The following PTPRU variants were observed in gnomAD, a reference collection of about 807,000 sequenced individuals.
PTPRU encodes the protein receptor-type tyrosine-protein phosphatase U.
In PTPRU, 69 loss-of-function variants were observed where a neutral mutation model predicts 166.3. The ratio of observed to expected loss-of-function variants is 0.41; its 90% CI spans 0.34 to 0.51. PTPRU has a LOEUF of 0.51. Among genes scored for constraint, PTPRU ranks in the 20% least tolerant of loss-of-function variants. The pLI is 0.09. For synonymous variants in PTPRU, 793 were observed against 814.0 expected (o/e 0.97, Z 0.44); for missense variants, 1,657 against 2,013.7 (o/e 0.82, Z 3.39).
Position 29,284,825 on chromosome 1 carries a change from C to CCTCA in PTPRU, c.2275_2278dup (p.Ile760ThrfsTer77). On this transcript the variant is annotated frameshift_variant, in exon 14 of 30. Coordinates refer to ENST00000373779, the MANE Select transcript of PTPRU (RefSeq NM_133178.4). LOFTEE classifies it high-confidence loss of function. Reference sequence around the variant, plus strand: ...GCATCTGTGCAGGGGGGCTTGCTGTCCTCATCCTTCTCCTGGGTGCCATCA... The same window carrying CCTCA: ...GCATCTGTGCAGGGGGGCTTGCTGTCCTCACTCATCCTTCTCCTGGGTGCCATCA... The CCTCA allele has an allele frequency of 6.2e-7, 1 of 1,613,520 alleles. No individual in the cohort carries two copies. The highest frequency in any genetic ancestry group is 1.1e-5 in the South Asian group (1 of 91,050).
intron 14 of PTPRU, among the ~76,000 whole-genome samples, chr1:29,290,674 C>T (rs182355100): frequency 2.0e-5 from 3 of 152,382 alleles, no homozygotes; most frequent in East Asian, 1.9e-4. Context: ...GCGACTCGCG[C>T]TGAGCCCCCA....
chr1:29,277,689 C>G (rs1685865378), intron 8 of PTPRU, among the ~76,000 whole-genome samples: 1 of 151,852 alleles, frequency 6.6e-6, no homozygotes, highest in South Asian at 2.1e-4. Context: ...CCATGACAAC[C>G]CTATGTGGTA....
chr1:29,290,473 C>T (rs928394311), intron 14 of PTPRU, among the ~76,000 whole-genome samples: 2 of 152,220 alleles, frequency 1.3e-5, no homozygotes, highest in Admixed American at 6.5e-5. Flanking sequence ...TGTCTTCTCT[C>T]TCTGTCTTCT....
At chr1:29,242,274 G>A (rs1377440398) in intron 1 of PTPRU, among the ~76,000 whole-genome samples, 1 of 152,194 alleles carries the variant, frequency 6.6e-6, no homozygotes. Context: ...GTGTCCACAA[G>A]GGGTGTGGAC....
intron 1 of PTPRU, among the ~76,000 whole-genome samples, chr1:29,254,131 T>G (rs560007138): frequency 6.6e-6 from 1 of 152,184 alleles, no homozygotes; most frequent in Admixed American, 6.5e-5. Flanking sequence ...GGCTGGCAGG[T>G]ACCCAGGACA....
rs1166127991 is a variant in PTPRU at position 29,241,740 on chromosome 1, G to A, written c.73+5023G>A. The stretch of plus-strand genomic sequence containing the variant: ...CTCCTAAGTAGCTGGGATTACAGGC[G>A]CACGCCACCATGCCTGGCTAATTTT... On this transcript the variant is annotated intron_variant, in intron 1 of 29. Coordinates refer to ENST00000373779, the MANE Select transcript of PTPRU (RefSeq NM_133178.4). Among the ~76,000 whole-genome samples the A allele has an allele frequency of 4.0e-4, 57 of 140,868 alleles. 1 individual carries two copies. Among genetic ancestry groups the A allele is most frequent in the South Asian group, 6.9e-4 (3 of 4,320 alleles). The allele number at this position is 140,868 out of a possible 152,430, so 92.4% of individuals were successfully genotyped here. A position where few individuals can be genotyped will look rare whatever the true frequency, so the allele number is the denominator to read the frequency against.
intron 27 of PTPRU, 58 bp downstream of exon 27, chr1:29,323,554 A>T: frequency 6.2e-7 from 1 of 1,610,974 alleles, no homozygotes; most frequent in Non-Finnish European, 8.5e-7. Flanking sequence ...GGCAGCTTTT[A>T]ATGACCCTCT....
intron 1 of PTPRU, among the ~76,000 whole-genome samples, chr1:29,240,394 G>A (rs539317723): frequency 1.3e-5 from 2 of 152,268 alleles, no homozygotes; most frequent in East Asian, 3.9e-4. Context: ...CACCGGGTCT[G>A]AATAAATATA....
At chr1:29,318,017 G>A in intron 25 of PTPRU, 96 bp downstream of exon 25, 1 of 1,463,132 alleles carries the variant, frequency 6.8e-7, no homozygotes. Context: ...AGGCTCTGTT[G>A]GGGGGACCCC....
rs1335796883 is a variant in PTPRU at position 29,326,386 on chromosome 1, A to C, written c.*725A>C. ...CTGCCTGACCCACTGTTGCAGAATGAAGTCACCTCGCCCCCCTCTTCCTTT... is the reference window on the plus strand; with the variant it reads ...CTGCCTGACCCACTGTTGCAGAATGCAGTCACCTCGCCCCCCTCTTCCTTT... On this transcript the variant is annotated 3_prime_UTR_variant, in exon 30 of 30. Transcript: ENST00000373779. 1 of 153,526 alleles carries C rather than the reference A, an allele frequency of 6.5e-6. No homozygotes were observed. The highest frequency in any genetic ancestry group is 2.4e-5 in the African/African-American group (1 of 41,466). 9.5% of individuals were successfully genotyped at this position (153,526 alleles called of 1,614,324 possible).
chr1:29,306,097 A>T (rs1416858904), intron 18 of PTPRU, among the ~76,000 whole-genome samples: 2 of 152,202 alleles, frequency 1.3e-5, no homozygotes, highest in African/African-American at 4.8e-5. Context: ...CGCAAATCTC[A>T]GCCTGTCTGT....
chr1:29,255,678 C>G (rs187912832), intron 2 of PTPRU, among the ~76,000 whole-genome samples: 2 of 152,294 alleles, frequency 1.3e-5, no homozygotes, highest in East Asian at 1.9e-4. Context: ...AGCTCAGGAT[C>G]CAAACCACTC....
intron 15 of PTPRU, among the ~76,000 whole-genome samples, chr1:29,293,471 G>T (rs1212598387): frequency 1.5e-5 from 2 of 135,364 alleles, no homozygotes; most frequent in African/African-American, 3.1e-5. Flanking sequence ...TTCGGGGGTA[G>T]TTTTTTGTTT....
Position 29,282,897 on chromosome 1 carries a change from A to G in PTPRU, c.2090A>G (p.Glu697Gly), listed in dbSNP as rs1305171137. 6.2e-7 allele frequency: 1 copy of G among 1,613,972 alleles called. No homozygotes were observed. The highest frequency in any genetic ancestry group is 1.1e-5 in the South Asian group (1 of 91,080). Residue 697 changes from glutamate to glycine, a missense_variant, in exon 12 of 30, where the codon GAG becomes GGG. Transcript: ENST00000373779. ...CGAGGCTTCTGGAACCCACCACTTG[A>G]GCCTAGGAAGGCCTATCTCATCTAC... ...TYRGFWNPPL[E>G]PRKAYLIYFQ...
rs1300519023 is a variant in PTPRU at position 29,271,739 on chromosome 1, T to A, written c.1145-3709T>A. Among the ~76,000 whole-genome samples, 4 of 152,212 alleles carry A rather than the reference T, an allele frequency of 2.6e-5. No individual in the cohort carries two copies. Among genetic ancestry groups the A allele is most frequent in the Non-Finnish European group, 4.4e-5 (3 of 68,028 alleles). ...CTGCCCCTTTTGGATGGGACACTAC[T>A]GTCCTGTTTGCCGTGGTCTTTACCC... On this transcript the variant is annotated intron_variant, in intron 7 of 29. Transcript: ENST00000373779. The surrounding 1 kb of genome is among the most constrained non-coding windows in gnomAD (Gnocchi z 4.4).
intron 1 of PTPRU, among the ~76,000 whole-genome samples, chr1:29,244,746 A>C (rs137990861): frequency 1.1e-4 from 16 of 152,266 alleles, no homozygotes; most frequent in Admixed American, 9.2e-4. Context: ...AATGGGGATA[A>C]TAATAGGACA....
At chr1:29,244,194 G>T (rs1461988573) in intron 1 of PTPRU, among the ~76,000 whole-genome samples, 3 of 152,038 alleles carry the variant, frequency 2.0e-5, no homozygotes. Flanking sequence ...TCAGCCCCCG[G>T]GGGCTCCCAG....
At chr1:29,286,154 G>A (rs568360173) in intron 14 of PTPRU, among the ~76,000 whole-genome samples, 1 of 152,330 alleles carries the variant, frequency 6.6e-6, no homozygotes, top group Admixed American at 6.5e-5. Context: ...TAGGGGTGGA[G>A]TGTGCAGCGG....
At chr1:29,325,009 C>T (rs1688341386) in intron 28 of PTPRU, among the ~76,000 whole-genome samples, 182 bp from the exon 29 acceptor site, 1 of 150,876 alleles carries the variant, frequency 6.6e-6, no homozygotes, top group African/African-American at 2.4e-5. Flanking sequence ...GGCTCTCGGG[C>T]CCCTCCTTTC....
Sources: gnomAD v4.1 joint callset for allele counts (sites outside exome capture counted in the v4.1 genomes callset) on GRCh38, gnomAD v4.1.1 for gene constraint, Gnocchi (gnomAD v3.1) non-coding constraint, MANE v1.5 for transcripts, NCBI Gene and HGNC (gene_info 2026-07-23, HGNC 2026-07-21) for gene names.